The following TMEM132D variants were observed in gnomAD, a reference collection of about 807,000 sequenced individuals.
TMEM132D encodes transmembrane protein 132D.
A neutral mutation model predicts 62.3 loss-of-function variants in TMEM132D; 21 were observed. The observed-to-expected ratio is 0.34, with a 90% CI of 0.24 to 0.49. The LOEUF is 0.49. Ranked by LOEUF, TMEM132D falls within the 20% of genes least tolerant of loss-of-function variation. The probability of loss-of-function intolerance (pLI) is 0.99; values close to 1 mark genes in which losing one functional copy is unlikely to be tolerated. For synonymous variants in TMEM132D, 621 were observed against 575.6 expected, an observed-to-expected ratio of 1.08 and a Z score of -1.13; for missense variants, 1,346 against 1,402.8, an observed-to-expected ratio of 0.96 and a Z score of 0.65.
At chr12:129,389,808 T>TA (rs1871246335) in intron 3 of TMEM132D, among the ~76,000 whole-genome samples, 1 of 152,202 alleles carries the variant, frequency 6.6e-6, no homozygotes, top group South Asian at 2.1e-4. Context: ...CTTCTTCCAC[T>TA]AAGAGTTGAA....
chr12:129,532,352 C>G (rs1566101060), intron 2 of TMEM132D, among the ~76,000 whole-genome samples: 1 of 152,118 alleles, frequency 6.6e-6, no homozygotes, highest in Non-Finnish European at 1.5e-5. Context: ...GGTGCCAGAG[C>G]CTACATCTCA....
intron 1 of TMEM132D, among the ~76,000 whole-genome samples, chr12:129,732,996 G>C (rs1869299910): frequency 6.6e-6 from 1 of 152,170 alleles, no homozygotes; most frequent in Non-Finnish European, 1.5e-5. Context: ...GGATCCCATG[G>C]GGACAGAGAC....
At chr12:129,328,837 A>G (rs1017695950) in intron 4 of TMEM132D, among the ~76,000 whole-genome samples, 9 of 151,920 alleles carry the variant, frequency 5.9e-5, no homozygotes, top group African/African-American at 2.2e-4. Flanking sequence ...CTGGAATCTA[A>G]TTTCAGCTCA....
chr12:129,640,232 C>CTAAG (rs1177251140), intron 2 of TMEM132D, among the ~76,000 whole-genome samples: 2 of 152,118 alleles, frequency 1.3e-5, no homozygotes, highest in Non-Finnish European at 2.9e-5. Context: ...GTTCTCCAGG[C>CTAAG]CAAGGAATCG....
intron 2 of TMEM132D, among the ~76,000 whole-genome samples, chr12:129,537,118 C>T (rs957681967): frequency 1.4e-5 from 2 of 143,692 alleles, no homozygotes; most frequent in Middle Eastern, 7.6e-3. Flanking sequence ...CGAGATTGTG[C>T]CACTGCACTC....
At chr12:129,245,034 T>C (rs1880056549) in intron 4 of TMEM132D, among the ~76,000 whole-genome samples, 1 of 152,226 alleles carries the variant, frequency 6.6e-6, no homozygotes, top group Non-Finnish European at 1.5e-5. Flanking sequence ...AATTAATGCT[T>C]ATTTTACAGA....
intron 1 of TMEM132D, among the ~76,000 whole-genome samples, chr12:129,704,389 C>A (rs112474152): frequency 1.3e-5 from 2 of 152,330 alleles, no homozygotes; most frequent in African/African-American, 4.8e-5. Context: ...ACCAGCTTTG[C>A]CATCAGCTGA....
At chr12:129,369,835 A>C (rs1329513189) in intron 3 of TMEM132D, among the ~76,000 whole-genome samples, 1 of 152,258 alleles carries the variant, frequency 6.6e-6, no homozygotes, top group Admixed American at 6.5e-5. Context: ...AAGCCAGGTG[A>C]GATCAAGCAA....
chr12:129,114,509 T>G (rs1006404120), intron 5 of TMEM132D, among the ~76,000 whole-genome samples: 12 of 152,026 alleles, frequency 7.9e-5, no homozygotes, highest in African/African-American at 2.9e-4. Flanking sequence ...AAAAAACTTT[T>G]AATTTATCCT....
intron 1 of TMEM132D, among the ~76,000 whole-genome samples, chr12:129,869,184 G>A (rs1010382060): frequency 2.0e-5 from 3 of 151,980 alleles, no homozygotes; most frequent in Admixed American, 6.6e-5. Flanking sequence ...TTCCTGGTGC[G>A]TAAATATCTT....
chr12:129,734,060 G>A (rs1379637829), intron 1 of TMEM132D, among the ~76,000 whole-genome samples: 1 of 152,166 alleles, frequency 6.6e-6, no homozygotes. Context: ...CCTTTAAACA[G>A]GCTGCTACTG....
At chr12:129,315,204 G>A (rs572802080) in intron 4 of TMEM132D, among the ~76,000 whole-genome samples, 1 of 152,234 alleles carries the variant, frequency 6.6e-6, no homozygotes, top group South Asian at 2.1e-4. Context: ...GTGAGAGTGG[G>A]CATCCTTGTC....
At chr12:129,152,435 T>A (rs1877101921) in intron 5 of TMEM132D, among the ~76,000 whole-genome samples, 1 of 152,218 alleles carries the variant, frequency 6.6e-6, no homozygotes, top group Admixed American at 6.5e-5. Context: ...ATCTCACTAC[T>A]GCTCATCACC....
At chr12:129,220,219 G>A (rs1879313628) in intron 4 of TMEM132D, among the ~76,000 whole-genome samples, 1 of 151,888 alleles carries the variant, frequency 6.6e-6, no homozygotes, top group Non-Finnish European at 1.5e-5. Flanking sequence ...CCAGAGAGTG[G>A]GCCACCAAGA....
chr12:129,379,643 C>T (rs184994904), intron 3 of TMEM132D, among the ~76,000 whole-genome samples: 2 of 152,168 alleles, frequency 1.3e-5, no homozygotes, highest in Non-Finnish European at 2.9e-5. Context: ...CAACTATGAC[C>T]CTTTGACAAT....
intron 1 of TMEM132D, among the ~76,000 whole-genome samples, chr12:129,758,049 C>G (rs1205201898): frequency 6.6e-6 from 1 of 151,974 alleles, no homozygotes. Context: ...ATTACAGGTG[C>G]CTGCCACCAT....
chr12:129,111,890 C>T (rs1875715284), intron 5 of TMEM132D, among the ~76,000 whole-genome samples: 1 of 152,144 alleles, frequency 6.6e-6, no homozygotes, highest in Non-Finnish European at 1.5e-5. Context: ...TGCGTGTATC[C>T]AGTAAGGGTA....
At chr12:129,212,242 A>G (rs973621787) in intron 4 of TMEM132D, 2 of 152,232 alleles carry the variant, frequency 1.3e-5, no homozygotes, top group African/African-American at 4.8e-5. Context: ...GAGCAGCTGT[A>G]AGCCCATATG....
At chr12:129,787,122 C>T (rs1372908999) in intron 1 of TMEM132D, among the ~76,000 whole-genome samples, 2 of 151,342 alleles carry the variant, frequency 1.3e-5, no homozygotes, top group African/African-American at 4.9e-5. Context: ...AAATGCCACT[C>T]ACCCTCCTCA....
Sources: allele counts gnomAD v4.1 joint callset (sites outside exome capture counted in the v4.1 genomes callset), GRCh38; gene constraint gnomAD v4.1.1; transcripts MANE v1.5; gene names NCBI Gene and HGNC (gene_info 2026-07-23, HGNC 2026-07-21).